SLTM: variants seen among roughly 807,000 people sequenced by gnomAD.
SLTM encodes the protein SAFB like transcription modulator.
A neutral mutation model predicts 134.6 loss-of-function variants in SLTM; 43 were observed. The ratio of observed to expected loss-of-function variants is 0.32; its 90% confidence interval spans 0.25 to 0.41. The LOEUF (loss-of-function observed/expected upper bound fraction) is 0.41. Ranked by LOEUF, SLTM falls within the 10% of genes least tolerant of loss-of-function variation. SLTM has a pLI of 1.00. For synonymous variants in SLTM, 424 were observed against 432.3 expected (o/e 0.98, Z 0.24); for missense variants, 1,055 against 1,288.8 (o/e 0.82, Z 2.78).
At chr15:58,914,674 A>T (rs1346070984) in intron 3 of SLTM, among the ~76,000 whole-genome samples, 2 of 152,352 alleles carry the variant, frequency 1.3e-5, no homozygotes, top group African/African-American at 4.8e-5. Flanking sequence ...AACTTCACCT[A>T]TTCTAAGGTG....
chr15:58,930,494 G>A (rs186752087), intron 2 of SLTM, among the ~76,000 whole-genome samples: 42 of 151,768 alleles, frequency 2.8e-4, no homozygotes, highest in Non-Finnish European at 4.7e-4. Flanking sequence ...ATGGAATAAA[G>A]TTCAAGTATA....
At chr15:58,889,010 T>G (rs2034447843) in intron 16 of SLTM, 1 of 188,340 alleles carries the variant, frequency 5.3e-6, no homozygotes, top group Non-Finnish European at 1.1e-5. Context: ...TTCATAGAAT[T>G]TATGTTAAGA....
intron 5 of SLTM, among the ~76,000 whole-genome samples, chr15:58,907,519 A>G (rs1185972375): frequency 1.3e-5 from 2 of 151,984 alleles, no homozygotes; most frequent in Non-Finnish European, 2.9e-5. Flanking sequence ...CTACCAGGAG[A>G]CTGAGGTGCG....
chr15:58,887,370 T>C lies in SLTM; in HGVS notation c.2546A>G (p.Glu849Gly), dbSNP rs1476986202. 5 of 1,613,814 alleles carry C rather than the reference T, an allele frequency of 3.1e-6. No individual in the cohort carries two copies. The African/African-American group carries it at 5.3e-5, about 17-fold the overall frequency. The part of the protein sequence containing the change: ...RESDRREVRG[E>G]RDERRTVIIH... ...AATCACCGTTCTCCTTTCGTCTCGCTCCCCTCGTACTTCTCGCCTGTCTGA... is the reference window on the plus strand; with the variant it reads ...AATCACCGTTCTCCTTTCGTCTCGCCCCCCTCGTACTTCTCGCCTGTCTGA... The change falls in exon 18 of 21, where the codon GAG becomes GGG. Residue 849 changes from glutamate (E) to glycine (G), a missense_variant. Physicochemically the swap from Glu to Gly is moderately conservative, Grantham distance 98 (BLOSUM62 -2). Coordinates refer to ENST00000380516, the MANE Select transcript of SLTM (RefSeq NM_024755.4).
At chr15:58,906,720 G>A (rs1002354368) in intron 5 of SLTM, among the ~76,000 whole-genome samples, 4 of 152,094 alleles carry the variant, frequency 2.6e-5, no homozygotes, top group African/African-American at 4.8e-5. Context: ...TAAACATCAT[G>A]GGAAATACAA....
rs1236097800 is a variant in SLTM at position 58,920,653 on chromosome 15, AT to A, written c.251-3655del. On this transcript the variant is annotated intron_variant, in intron 2 of 20. Coordinates refer to ENST00000380516, the MANE Select transcript of SLTM (RefSeq NM_024755.4). ...AATAAATAAATAAATAAATAAATAAATAAATAAATAAAAATTTTTTGGCTGG... is the reference window on the plus strand; with the variant it reads ...AATAAATAAATAAATAAATAAATAAAAAATAAATAAAAATTTTTTGGCTGG... 1.2e-4 allele frequency among the ~76,000 whole-genome samples: 18 copies of A among 150,022 alleles called. No individual in the cohort carries two copies. In the East Asian group the frequency reaches 2.2e-3, roughly 18 times the overall value.
intron 2 of SLTM, among the ~76,000 whole-genome samples, chr15:58,930,309 T>C (rs1401006547): frequency 4.0e-5 from 6 of 148,484 alleles, no homozygotes; most frequent in Non-Finnish European, 8.9e-5. Context: ...TTTGTATTTT[T>C]AGTAGAGATG....
chr15:58,899,830 T>C lies in SLTM; in HGVS notation c.697A>G (p.Thr233Ala), dbSNP rs764674167. Reference sequence around the variant, plus strand: ...TCATCCTCAGCTTCTTTCACAGTCGTATGAGCTTCCATCTCTTCATGAGCT... The same window carrying C: ...TCATCCTCAGCTTCTTTCACAGTCGCATGAGCTTCCATCTCTTCATGAGCT... ...HTAHEEMEAH[T>A]TVKEAEDDNI... Residue 233 changes from threonine (T) to alanine (A), a missense_variant, in exon 7 of 21, where the codon ACG (threonine) becomes GCG (alanine). By Grantham distance (58) the Thr-to-Ala change is moderately conservative (BLOSUM62 0). This residue lies in a region of SLTM where 268 missense variants were observed against 284.3 expected (regional missense o/e 0.94). Coordinates refer to ENST00000380516, the MANE Select transcript of SLTM (RefSeq NM_024755.4). This position sits in a 1 kb window ranked among gnomAD's most constrained non-coding sequence, Gnocchi z 5.0. 6.2e-7 allele frequency: 1 copy of C among 1,614,170 alleles called. No individual in the cohort carries two copies. Among genetic ancestry groups the C allele is most frequent in the South Asian group, 1.1e-5 (1 of 91,086 alleles).
chr15:58,907,773 T>C (rs2035969060), intron 5 of SLTM, among the ~76,000 whole-genome samples: 1 of 152,210 alleles, frequency 6.6e-6, no homozygotes, highest in Admixed American at 6.5e-5. Context: ...GAATCTATGA[T>C]TAATCCCTAT....
At chr15:58,913,436 T>A in intron 4 of SLTM, 63 bp downstream of exon 4, 1 of 1,348,026 alleles carries the variant, frequency 7.4e-7, no homozygotes, top group African/African-American at 1.5e-5. Flanking sequence ...TAGAAAAAAA[T>A]ACTTTTTATT....
Position 58,913,536 on chromosome 15 carries a change from C to T in SLTM, c.476G>A (p.Gly159Glu). 1.2e-6 allele frequency: 2 copies of T among 1,612,446 alleles called. No homozygotes were observed. Among genetic ancestry groups the T allele is most frequent in the East Asian group, 2.2e-5 (1 of 44,782 alleles). The change falls in exon 4 of 21, where the codon GGA becomes GAA. Residue 159 changes from glycine (G) to glutamate (E), a missense_variant. By Grantham distance (98) the Gly-to-Glu change is moderately conservative (BLOSUM62 -2). Around this residue, in one of 3 missense-constraint regions of SLTM, gnomAD observed 268 missense variants for 284.3 expected, o/e 0.94. Coordinates refer to ENST00000380516, the MANE Select transcript of SLTM (RefSeq NM_024755.4). ...GTCCTCTTTTTCTATATCTTCTATT[C>T]CTTCTGCCTCTATTAATTCATGAGC... is the stretch of plus-strand genomic sequence containing the variant. ...KRAHELIEAEGIEDIEKEDIE... is the reference protein window; with the variant it reads ...KRAHELIEAEEIEDIEKEDIE...
chr15:58,893,180 G>A, intron 13 of SLTM, 99 bp downstream of exon 13: 2 of 1,405,026 alleles, frequency 1.4e-6, no homozygotes, highest in Non-Finnish European at 2.0e-6. Flanking sequence ...TCTTGGGTTT[G>A]CTAGCATGCA....
chr15:58,930,061 C>T (rs986212074), intron 2 of SLTM, among the ~76,000 whole-genome samples: 2 of 151,972 alleles, frequency 1.3e-5, no homozygotes, highest in African/African-American at 4.8e-5. Context: ...AAGACTAGAG[C>T]TTTTTGTCAT....
chr15:58,898,864 A>G lies in SLTM; in HGVS notation c.1059-12T>C. 6.2e-7 allele frequency: 1 copy of G among 1,602,840 alleles called. No homozygotes were observed. ...ATTCCTTTGAAGAGCTAAAGAGGCA[A>G]ATCACCAGAAGAAAATTGAAAACAA... On this transcript the variant is annotated splice_polypyrimidine_tract_variant and intron_variant, in intron 7 of 20. Coordinates refer to ENST00000380516, the MANE Select transcript of SLTM (RefSeq NM_024755.4).
intron 4 of SLTM, 78 bp from the exon 5 acceptor site, chr15:58,912,688 A>C: frequency 8.7e-7 from 1 of 1,152,358 alleles, no homozygotes; most frequent in Admixed American, 2.0e-5. Context: ...CTTACACCTG[A>C]TTATCATTTG....
rs771267137 is a variant in SLTM, at chr15:58,883,679, C to T, written c.2943G>A (p.Thr981=). Residue 981 remains threonine (T), a synonymous_variant, in exon 20 of 21, where the codon ACG becomes ACA. Transcript: ENST00000380516. ...CTGCCCGGCCGTCACCCATTCGCCT[C>T]GTATCATGATAGCTAGGCCCTTGAG... is the stretch of plus-strand genomic sequence containing the variant. The part of the protein sequence containing the change: ...PPSQGPSYHD[T]RRMGDGRAGA... 1.1e-5 allele frequency: 18 copies of T among 1,614,100 alleles called. No homozygotes were observed. The highest frequency in any genetic ancestry group is 5.0e-5 in the Admixed American group (3 of 60,004).
intron 4 of SLTM, 124 bp downstream of exon 4, chr15:58,913,373 TAA>T: frequency 1.3e-6 from 1 of 750,052 alleles, no homozygotes. Flanking sequence ...AGATGACTTA[TAA>T]GTAGCTTTAG....
At chr15:58,919,107 T>C (rs2036843857) in intron 2 of SLTM, among the ~76,000 whole-genome samples, 1 of 152,116 alleles carries the variant, frequency 6.6e-6, no homozygotes, top group Non-Finnish European at 1.5e-5. Context: ...GAGACGGGGT[T>C]TCACCGTGTT....
chr15:58,928,590 G>T (rs2037646217), intron 2 of SLTM, among the ~76,000 whole-genome samples: 1 of 152,254 alleles, frequency 6.6e-6, no homozygotes, highest in Non-Finnish European at 1.5e-5. Flanking sequence ...ACTTAAAAAT[G>T]TAGGTTCCTT....
Sources: allele counts gnomAD v4.1 joint callset (sites outside exome capture counted in the v4.1 genomes callset), GRCh38; gene constraint gnomAD v4.1.1; regional missense constraint gnomAD v4.1.1; non-coding constraint Gnocchi (gnomAD v3.1); transcripts MANE v1.5; gene names NCBI Gene and HGNC (gene_info 2026-07-23, HGNC 2026-07-21).